The following PAK5 variants were observed in gnomAD, a reference collection of about 807,000 sequenced individuals.
The protein encoded by PAK5 is p21 (RAC1) activated kinase 5.
PAK5 carries 16 observed loss-of-function variants against 65.9 expected under a neutral mutation model. That is an observed-to-expected ratio of 0.24 (90% confidence interval 0.16 to 0.37). The LOEUF is 0.37. Ranked by LOEUF, PAK5 falls within the 10% of genes least tolerant of loss-of-function variation. The pLI, the probability that PAK5 is intolerant of heterozygous loss-of-function variation, is 1.00. For missense variants in PAK5, 785 were observed against 903.9 expected, an observed-to-expected ratio of 0.87 and a Z score of 1.69; for synonymous variants, 371 against 354.9, an observed-to-expected ratio of 1.05 and a Z score of -0.51.
At position 9,539,601 on chromosome 20, in the gene PAK5, C is replaced by G; in HGVS notation, c.2021G>C (p.Arg674Pro). The change falls in exon 10 of 10, where the codon CGG (arginine) becomes CCG (proline). Residue 674 changes from arginine (R) to proline (P), a missense_variant. Transcript: ENST00000353224. ...KDLHKVSSVL[R>P]GFLDLMLVRE... ...CACCAACATCAAGTCTAGGAATCCC[C>G]GGAGCACTGAAGAAACCTGTGAAAA... is the stretch of plus-strand genomic sequence containing the variant. 6.2e-6 allele frequency: 10 copies of G among 1,613,344 alleles called. No homozygotes were observed. The highest frequency in any genetic ancestry group is 8.5e-6 in the Non-Finnish European group (10 of 1,179,886).
intron 1 of PAK5, among the ~76,000 whole-genome samples, chr20:9,770,332 AAAGAAAC>A (rs1206966078): frequency 1.3e-5 from 2 of 152,298 alleles, no homozygotes; most frequent in Non-Finnish European, 2.9e-5. Flanking sequence ...CTATTTTCTT[AAAGAAAC>A]AAGAAACAAG....
chr20:9,797,808 G>T (rs942646592), intron 1 of PAK5, among the ~76,000 whole-genome samples: 1 of 152,034 alleles, frequency 6.6e-6, no homozygotes, highest in African/African-American at 2.4e-5. Flanking sequence ...ACCAAGTGGA[G>T]ATGCCAATTA....
At chr20:9,755,401 A>G (rs1049259854) in intron 1 of PAK5, among the ~76,000 whole-genome samples, 2 of 152,194 alleles carry the variant, frequency 1.3e-5, no homozygotes, top group African/African-American at 4.8e-5. Flanking sequence ...TAATAGAGAG[A>G]TCACAGCCTC....
In PAK5 at chr20:9,738,831, T is replaced by C. The variant is rs984841988; in HGVS notation, c.-161-27396A>G. Among the ~76,000 whole-genome samples, 8 of 152,236 alleles carry C rather than the reference T, an allele frequency of 5.3e-5. No individual in the cohort carries two copies. In the East Asian group the frequency reaches 5.8e-4, roughly 11 times the overall value. ...AATATGGGCAGTTTGTGTGTGTGTG[T>C]GTGTGTGTGTGTCAGTTACAATGCA... On this transcript the variant is annotated intron_variant, in intron 1 of 9. Coordinates refer to ENST00000353224, the MANE Select transcript of PAK5 (RefSeq NM_177990.4).
At chr20:9,777,259 A>T (rs2048896439) in intron 1 of PAK5, among the ~76,000 whole-genome samples, 1 of 152,156 alleles carries the variant, frequency 6.6e-6, no homozygotes, top group Non-Finnish European at 1.5e-5. Context: ...AAGACTGGTG[A>T]TATGGTTTGG....
At chr20:9,699,181 G>C (rs967855692) in intron 2 of PAK5, among the ~76,000 whole-genome samples, 2 of 152,136 alleles carry the variant, frequency 1.3e-5, no homozygotes, top group Non-Finnish European at 2.9e-5. Context: ...TTTACAGGTT[G>C]TTTGAAATAC....
intron 2 of PAK5, among the ~76,000 whole-genome samples, chr20:9,676,712 T>C (rs553347889): frequency 6.6e-6 from 1 of 152,342 alleles, no homozygotes; most frequent in African/African-American, 2.4e-5. Context: ...TACATATAAA[T>C]ATGTACATAT....
chr20:9,569,845 A>G (rs1476475789), intron 4 of PAK5, among the ~76,000 whole-genome samples: 1 of 151,860 alleles, frequency 6.6e-6, no homozygotes, highest in Non-Finnish European at 1.5e-5. Context: ...CAGCCCTTCC[A>G]GCTTCAAAAA....
chr20:9,555,108 A>G (rs1171915206), intron 7 of PAK5, among the ~76,000 whole-genome samples: 2 of 152,210 alleles, frequency 1.3e-5, no homozygotes, highest in Non-Finnish European at 2.9e-5. Flanking sequence ...CCAGTCCCCA[A>G]ATAAGCTTAC....
At chr20:9,562,461 A>G (rs1371088543) in intron 6 of PAK5, among the ~76,000 whole-genome samples, 2 of 152,184 alleles carry the variant, frequency 1.3e-5, no homozygotes, top group African/African-American at 2.4e-5. Context: ...TCTCTGTGCC[A>G]CCCAGATTCA....
At chr20:9,582,701 G>A (rs924174922) in intron 3 of PAK5, among the ~76,000 whole-genome samples, 1 of 152,046 alleles carries the variant, frequency 6.6e-6, no homozygotes, top group African/African-American at 2.4e-5. Flanking sequence ...GGTGGGGGTA[G>A]GGTATCTATA....
At chr20:9,760,112 G>A (rs1056019844) in intron 1 of PAK5, among the ~76,000 whole-genome samples, 1 of 152,170 alleles carries the variant, frequency 6.6e-6, no homozygotes, top group Non-Finnish European at 1.5e-5. Context: ...GTGACCACCA[G>A]AGTGTTATAG....
intron 1 of PAK5, among the ~76,000 whole-genome samples, chr20:9,723,830 G>A (rs551588279): frequency 2.0e-5 from 3 of 152,262 alleles, no homozygotes; most frequent in African/African-American, 4.8e-5. Flanking sequence ...GTTGCCTGAC[G>A]ATGCATGAGC....
intron 1 of PAK5, among the ~76,000 whole-genome samples, chr20:9,754,242 G>A (rs1035690516): frequency 6.6e-6 from 1 of 152,120 alleles, no homozygotes; most frequent in Non-Finnish European, 1.5e-5. Flanking sequence ...CAAGACAGGG[G>A]AATTGCAATA....
At chr20:9,779,491 T>C (rs2048919710) in intron 1 of PAK5, among the ~76,000 whole-genome samples, 1 of 151,554 alleles carries the variant, frequency 6.6e-6, no homozygotes, top group Admixed American at 6.6e-5. Flanking sequence ...TGAGGAGTTT[T>C]TTTTCAGATA....
intron 2 of PAK5, among the ~76,000 whole-genome samples, chr20:9,706,471 C>CT (rs34420250): frequency 0.023 from 2,824 of 125,328 alleles, 72 homozygotes; most frequent in African/African-American, 0.065. Context: ...TCTACAAACT[C>CT]TTTTTTTTTT....
chr20:9,616,304 C>G (rs1274588723), intron 3 of PAK5, among the ~76,000 whole-genome samples: 1 of 152,180 alleles, frequency 6.6e-6, no homozygotes, highest in Non-Finnish European at 1.5e-5. Flanking sequence ...AGATGAGGAA[C>G]TGAAAGCACA....
chr20:9,610,952 T>C (rs530028712), intron 3 of PAK5, among the ~76,000 whole-genome samples: 4 of 152,344 alleles, frequency 2.6e-5, no homozygotes, highest in African/African-American at 4.8e-5. Flanking sequence ...GGCCTTTTTG[T>C]CCTTCAGTGC....
At chr20:9,591,307 C>T (rs932243681) in intron 3 of PAK5, among the ~76,000 whole-genome samples, 1 of 152,060 alleles carries the variant, frequency 6.6e-6, no homozygotes, top group Non-Finnish European at 1.5e-5. Flanking sequence ...AATATGAAAA[C>T]CACAACACCC....
Sources: gnomAD v4.1 joint callset for allele counts (sites outside exome capture counted in the v4.1 genomes callset) on GRCh38, gnomAD v4.1.1 for gene constraint, MANE v1.5 for transcripts, NCBI Gene and HGNC (gene_info 2026-07-23, HGNC 2026-07-21) for gene names.